Variants in GABRG1 observed in about 807,000 individuals in gnomAD.
GABRG1 encodes gamma-aminobutyric acid type A receptor subunit gamma1, also known as gamma-aminobutyric acid receptor subunit gamma-1.
Under a neutral mutation model 49.8 loss-of-function variants are expected in GABRG1, and 49 were observed. The observed-to-expected ratio is 0.98, with a 90% CI of 0.78 to 1.25. The LOEUF (loss-of-function observed/expected upper bound fraction) is 1.25. GABRG1 is among the 50% of genes most tolerant of loss of function. GABRG1 has a pLI of 0.00. For synonymous variants in GABRG1, 232 were observed against 185.1 expected, an observed-to-expected ratio of 1.25 and a Z score of -2.06; for missense variants, 552 against 552.3, an observed-to-expected ratio of 1.00 and a Z score of 0.01.
In GABRG1 at chr4:46,040,840, T is replaced by C; in HGVS notation, c.*148A>G. ...CCTGAAAGCTGCTACTTTATTTACT[T>C]CTGAAGGCCTTAAAATAGTTACAAT... On this transcript the variant is annotated 3_prime_UTR_variant, in exon 9 of 9. Transcript: ENST00000295452. 1 of 788,418 alleles carries C rather than the reference T, an allele frequency of 1.3e-6. No homozygotes were observed. The highest frequency in any genetic ancestry group is 2.0e-6 in the Non-Finnish European group (1 of 512,812). The allele number at this position is 788,418 out of a possible 1,614,324, so 48.8% of individuals were successfully genotyped here. A position where few individuals can be genotyped will look rare whatever the true frequency, so the allele number is the denominator to read the frequency against.
intron 1 of GABRG1, among the ~76,000 whole-genome samples, chr4:46,116,387 G>GA (rs567342770): frequency 6.0e-4 from 91 of 150,418 alleles, no homozygotes; most frequent in African/African-American, 1.2e-3. Context: ...GTTAGACTTA[G>GA]AAAAAAAATA....
Position 46,036,802 on chromosome 4 carries a change from T to C in GABRG1, c.*4186A>G, listed in dbSNP as rs1252755495. 1.3e-5 allele frequency: 2 copies of C among 152,014 alleles called. No individual in the cohort carries two copies. The highest frequency in any genetic ancestry group is 2.9e-5 in the Non-Finnish European group (2 of 67,924). The allele number at this position is 152,014 out of a possible 1,614,324, so 9.4% of individuals were successfully genotyped here. On this transcript the variant is annotated 3_prime_UTR_variant, in exon 9 of 9. Transcript: ENST00000295452. ...GAAACTTCTGCAGAAATTTTAATAA[T>C]GTATCTTTTGTACTCAAGTATCTCT...
intron 3 of GABRG1, among the ~76,000 whole-genome samples, chr4:46,078,598 T>A (rs1444215802): frequency 6.6e-6 from 1 of 151,896 alleles, no homozygotes; most frequent in Admixed American, 6.6e-5. Context: ...ATAAATTATA[T>A]GGAAAGAATA....
chr4:46,099,809 T>C (rs1019668029), intron 1 of GABRG1, among the ~76,000 whole-genome samples: 1 of 151,680 alleles, frequency 6.6e-6, no homozygotes, highest in African/African-American at 2.4e-5. Flanking sequence ...GTCCTTCTAC[T>C]ATTATTATAT....
chr4:46,123,367 A>G (rs1364425798), intron 1 of GABRG1, among the ~76,000 whole-genome samples: 1 of 152,176 alleles, frequency 6.6e-6, no homozygotes, highest in African/African-American at 2.4e-5. Context: ...AGGAAAGGGG[A>G]AAAGCAATAG....
chr4:46,049,711 A>G (rs1718139522), intron 8 of GABRG1, among the ~76,000 whole-genome samples: 1 of 151,920 alleles, frequency 6.6e-6, no homozygotes, highest in Non-Finnish European at 1.5e-5. Context: ...TAGTTGATGA[A>G]TGATTGAATA....
chr4:46,063,897 C>A (rs1718808586), intron 5 of GABRG1, among the ~76,000 whole-genome samples: 1 of 152,158 alleles, frequency 6.6e-6, no homozygotes. Flanking sequence ...TTTTTATACT[C>A]TAATTATTCA....
At chr4:46,071,764 A>C (rs1169055256) in intron 3 of GABRG1, among the ~76,000 whole-genome samples, 2 of 152,058 alleles carry the variant, frequency 1.3e-5, no homozygotes, top group Non-Finnish European at 2.9e-5. Flanking sequence ...CTTACAAAAT[A>C]ATGACACAAA....
At chr4:46,074,793 T>C (rs1475327104) in intron 3 of GABRG1, among the ~76,000 whole-genome samples, 2 of 152,110 alleles carry the variant, frequency 1.3e-5, no homozygotes, top group Non-Finnish European at 2.9e-5. Flanking sequence ...ATTACGTACA[T>C]AATTTTAAAT....
chr4:46,078,268 G>T (rs1719433821), intron 3 of GABRG1, among the ~76,000 whole-genome samples: 1 of 151,958 alleles, frequency 6.6e-6, no homozygotes, highest in Admixed American at 6.6e-5. Context: ...GCATATGCAG[G>T]TCAGTTATCT....
At chr4:46,097,960 G>C (rs754829684) in intron 1 of GABRG1, among the ~76,000 whole-genome samples, 1 of 151,780 alleles carries the variant, frequency 6.6e-6, no homozygotes, top group East Asian at 2.0e-4. Flanking sequence ...ATCAATAGGT[G>C]ACTCATCTTG....
chr4:46,061,604 TA>T (rs1718677631), intron 5 of GABRG1, among the ~76,000 whole-genome samples: 1 of 151,964 alleles, frequency 6.6e-6, no homozygotes, highest in Non-Finnish European at 1.5e-5. Flanking sequence ...TGTATGTTAG[TA>T]AATATAAAAT....
chr4:46,095,690 T>C (rs1261327778), intron 2 of GABRG1, among the ~76,000 whole-genome samples: 1 of 151,880 alleles, frequency 6.6e-6, no homozygotes, highest in Non-Finnish European at 1.5e-5. Flanking sequence ...ATGTAGCCAC[T>C]ATGTCCTTCA....
intron 3 of GABRG1, among the ~76,000 whole-genome samples, chr4:46,083,043 A>C (rs544027467): frequency 1.3e-5 from 2 of 151,816 alleles, no homozygotes; most frequent in African/African-American, 4.8e-5. Flanking sequence ...CTGCTGGACC[A>C]TTCCTGCTGA....
chr4:46,088,088 C>G (rs1343277390), intron 2 of GABRG1, among the ~76,000 whole-genome samples: 1 of 152,052 alleles, frequency 6.6e-6, no homozygotes, highest in East Asian at 1.9e-4. Flanking sequence ...ACATTTCTAT[C>G]ATTTCAGTAA....
chr4:46,088,771 T>C (rs2350440), intron 2 of GABRG1, among the ~76,000 whole-genome samples: 6,207 of 139,688 alleles, frequency 0.044, 214 homozygotes, highest in Admixed American at 0.082. Flanking sequence ...ACACACCCCA[T>C]ATATCTATAT....
chr4:46,120,740 T>C (rs2109449058), intron 1 of GABRG1, among the ~76,000 whole-genome samples: 1 of 151,870 alleles, frequency 6.6e-6, no homozygotes, highest in Non-Finnish European at 1.5e-5. Flanking sequence ...TATTTGAATA[T>C]TTTCAACCGG....
In GABRG1 at chr4:46,040,557, A is replaced by G. The variant is rs557335883; in HGVS notation, c.*431T>C. On this transcript the variant is annotated 3_prime_UTR_variant, in exon 9 of 9. Coordinates refer to ENST00000295452, the MANE Select transcript of GABRG1 (RefSeq NM_173536.4). ...AGGGTAATCAAATGAAAAGCAAGAAAAAACAAATTAACAGTCTTTTTTCTG... is the reference window on the plus strand; with the variant it reads ...AGGGTAATCAAATGAAAAGCAAGAAGAAACAAATTAACAGTCTTTTTTCTG... 30 of 152,992 alleles carry G rather than the reference A, an allele frequency of 2.0e-4. No homozygotes were observed. Among genetic ancestry groups the G allele is most frequent in the African/African-American group, 7.2e-4 (30 of 41,582 alleles). 9.5% of individuals were successfully genotyped at this position (152,992 alleles called of 1,614,324 possible). A position where few individuals can be genotyped will look rare whatever the true frequency, so the allele number is the denominator to read the frequency against.
chr4:46,070,018 G>A (rs1005547089), intron 3 of GABRG1, among the ~76,000 whole-genome samples: 1 of 151,896 alleles, frequency 6.6e-6, no homozygotes, highest in South Asian at 2.1e-4. Context: ...GGCAGGGCGG[G>A]ATGGAAAATA....
Sources: allele counts gnomAD v4.1 joint callset (sites outside exome capture counted in the v4.1 genomes callset), GRCh38; gene constraint gnomAD v4.1.1; transcripts MANE v1.5; gene names NCBI Gene and HGNC (gene_info 2026-07-23, HGNC 2026-07-21).